The following KIAA0825 variants were observed in gnomAD, a reference collection of about 807,000 sequenced individuals.
KIAA0825 encodes uncharacterized protein KIAA0825.
Under a neutral mutation model 147.6 loss-of-function variants are expected in KIAA0825, and 119 were observed. The ratio of observed to expected loss-of-function variants is 0.81; its 90% confidence interval spans 0.69 to 0.94. The LOEUF (loss-of-function observed/expected upper bound fraction) is 0.94. Among genes scored for constraint, KIAA0825 ranks in the 40% least tolerant of loss-of-function variants. KIAA0825 has a pLI of 0.00. For synonymous variants in KIAA0825, 470 were observed against 518.1 expected, an observed-to-expected ratio of 0.91 and a Z score of 1.26; for missense variants, 1,381 against 1,472.7, an observed-to-expected ratio of 0.94 and a Z score of 1.02.
At chr5:94,207,512 C>A (rs1279885894) in intron 20 of KIAA0825, among the ~76,000 whole-genome samples, 2 of 152,134 alleles carry the variant, frequency 1.3e-5, no homozygotes, top group Non-Finnish European at 2.9e-5. Flanking sequence ...AGATAAAGGA[C>A]CATTCTTCTG....
At chr5:94,524,678 C>T (rs182233469) in intron 3 of KIAA0825, among the ~76,000 whole-genome samples, 45 of 151,666 alleles carry the variant, frequency 3.0e-4, no homozygotes, top group African/African-American at 9.4e-4. Flanking sequence ...ATTTAAAAAA[C>T]GACTGGAAGG....
At chr5:94,305,111 T>G (rs1324892876) in intron 20 of KIAA0825, among the ~76,000 whole-genome samples, 1 of 152,048 alleles carries the variant, frequency 6.6e-6, no homozygotes, top group Non-Finnish European at 1.5e-5. Flanking sequence ...TTAATTATTG[T>G]TCTAAGATCA....
At chr5:94,556,283 T>C (rs999877849) in intron 2 of KIAA0825, among the ~76,000 whole-genome samples, 1 of 152,170 alleles carries the variant, frequency 6.6e-6, no homozygotes, top group African/African-American at 2.4e-5. Context: ...TTTCACCATG[T>C]TGGCCAGGTT....
intron 15 of KIAA0825, among the ~76,000 whole-genome samples, chr5:94,408,292 T>C (rs370787808): frequency 1.3e-5 from 2 of 152,298 alleles, no homozygotes; most frequent in South Asian, 2.1e-4. Context: ...ATTTCCAACA[T>C]AGAGCTTTTG....
At chr5:94,205,495 G>A (rs1356352161) in intron 20 of KIAA0825, among the ~76,000 whole-genome samples, 1 of 151,702 alleles carries the variant, frequency 6.6e-6, no homozygotes, top group East Asian at 1.9e-4. Context: ...GTTTCACCAT[G>A]TTAGCCAGGA....
chr5:94,475,767 C>T (rs929034253), intron 7 of KIAA0825, among the ~76,000 whole-genome samples: 2 of 151,972 alleles, frequency 1.3e-5, no homozygotes, highest in African/African-American at 4.8e-5. Context: ...TGAGATTGCA[C>T]CACTGCACTC....
intron 1 of KIAA0825, among the ~76,000 whole-genome samples, chr5:94,589,291 T>C (rs1783910638): frequency 1.3e-5 from 2 of 152,362 alleles, no homozygotes; most frequent in Middle Eastern, 3.4e-3. Flanking sequence ...AAGCCACTAA[T>C]GGTGTGGGTC....
At chr5:94,170,735 G>C (rs1280688159) in intron 20 of KIAA0825, among the ~76,000 whole-genome samples, 1 of 152,162 alleles carries the variant, frequency 6.6e-6, no homozygotes, top group Admixed American at 6.5e-5. Context: ...GGGATTATGG[G>C]GAGCTGAGGC....
intron 20 of KIAA0825, among the ~76,000 whole-genome samples, chr5:94,232,727 AT>A (rs140897301): frequency 0.016 from 2,417 of 152,108 alleles, 73 homozygotes; most frequent in African/African-American, 0.054. Flanking sequence ...AATGAAGCTC[AT>A]TTTTTTCATC....
intron 20 of KIAA0825, among the ~76,000 whole-genome samples, chr5:94,204,091 A>T (rs544563158): frequency 6.6e-6 from 1 of 152,326 alleles, no homozygotes; most frequent in Admixed American, 6.5e-5. Flanking sequence ...GCAGTAACAG[A>T]TTACAAAATC....
chr5:94,259,147 TTCC>T (rs1425535160), intron 20 of KIAA0825, among the ~76,000 whole-genome samples: 1 of 152,066 alleles, frequency 6.6e-6, no homozygotes, highest in Non-Finnish European at 1.5e-5. Context: ...ATTAAGAGAA[TTCC>T]TGCAGTTACA....
At chr5:94,289,004 T>C (rs762892075) in intron 20 of KIAA0825, among the ~76,000 whole-genome samples, 3 of 152,206 alleles carry the variant, frequency 2.0e-5, no homozygotes, top group Non-Finnish European at 2.9e-5. Flanking sequence ...CTTGACAAAC[T>C]GATACTAGGA....
intron 20 of KIAA0825, among the ~76,000 whole-genome samples, chr5:94,381,355 C>A (rs1401198585): frequency 6.6e-6 from 1 of 152,110 alleles, no homozygotes; most frequent in Non-Finnish European, 1.5e-5. Context: ...TTCAGTCAAC[C>A]TCAGATAGAA....
At chr5:94,545,534 C>G (rs1237242614) in intron 2 of KIAA0825, among the ~76,000 whole-genome samples, 1 of 152,108 alleles carries the variant, frequency 6.6e-6, no homozygotes, top group African/African-American at 2.4e-5. Flanking sequence ...AACAATAGTA[C>G]AGGGTACCAG....
intron 14 of KIAA0825, among the ~76,000 whole-genome samples, chr5:94,428,102 G>A (rs1448060748): frequency 6.6e-6 from 1 of 151,418 alleles, no homozygotes; most frequent in Non-Finnish European, 1.5e-5. Context: ...GTCATTACAT[G>A]TGAGATGGGT....
At chr5:94,566,333 CT>C (rs1010708247) in intron 2 of KIAA0825, among the ~76,000 whole-genome samples, 1 of 152,046 alleles carries the variant, frequency 6.6e-6, no homozygotes, top group Non-Finnish European at 1.5e-5. Context: ...CAAATCAGGA[CT>C]TTTTTGAGAT....
intron 20 of KIAA0825, among the ~76,000 whole-genome samples, chr5:94,245,265 C>T (rs1775548524): frequency 1.3e-5 from 2 of 152,148 alleles, no homozygotes. Flanking sequence ...CCCTCTACAG[C>T]AGTCTCAATT....
intron 20 of KIAA0825, among the ~76,000 whole-genome samples, chr5:94,203,877 T>A (rs1343886238): frequency 1.3e-5 from 2 of 152,156 alleles, no homozygotes; most frequent in Admixed American, 1.3e-4. Flanking sequence ...AATCTTGAAA[T>A]GATATCATAA....
intron 20 of KIAA0825, among the ~76,000 whole-genome samples, chr5:94,370,833 C>T (rs964608613): frequency 5.3e-5 from 8 of 151,984 alleles, no homozygotes; most frequent in Admixed American, 1.3e-4. Context: ...GGCATGAAAC[C>T]GGGAGACAGA....
Sources: gnomAD v4.1 joint callset for allele counts (sites outside exome capture counted in the v4.1 genomes callset) on GRCh38, gnomAD v4.1.1 for gene constraint, MANE v1.5 for transcripts, NCBI Gene and HGNC (gene_info 2026-07-23, HGNC 2026-07-21) for gene names.